Variants in OLFM2 observed in about 807,000 individuals in gnomAD.
OLFM2 encodes noelin-2.
In OLFM2, 20 loss-of-function variants were observed where a neutral mutation model predicts 43.9. That is an observed-to-expected ratio of 0.46 (90% CI 0.32 to 0.66). The LOEUF is 0.66. Among genes scored for constraint, OLFM2 ranks in the 30% least tolerant of loss-of-function variants. The probability of loss-of-function intolerance (pLI) is 0.04; values close to 1 mark genes in which losing one functional copy is unlikely to be tolerated. For missense variants in OLFM2, 416 were observed against 643.6 expected (o/e 0.65, Z 3.83); for synonymous variants, 268 against 278.6 (o/e 0.96, Z 0.38).
At chr19:9,914,680 C>T (rs578163746) in intron 1 of OLFM2, among the ~76,000 whole-genome samples, 4 of 152,184 alleles carry the variant, frequency 2.6e-5, no homozygotes, top group African/African-American at 4.8e-5. Context: ...GCTCCCGGCC[C>T]GCTCCCTCGG....
intron 1 of OLFM2, among the ~76,000 whole-genome samples, chr19:9,887,904 G>C (rs2046602296): frequency 6.6e-6 from 1 of 152,120 alleles, no homozygotes; most frequent in Non-Finnish European, 1.5e-5. Context: ...GTGGTGGCAT[G>C]TGTCTGTAGT....
intron 1 of OLFM2, among the ~76,000 whole-genome samples, chr19:9,877,652 C>T (rs1054870687): frequency 6.6e-6 from 1 of 151,926 alleles, no homozygotes; most frequent in African/African-American, 2.4e-5. Context: ...GAATTAATGC[C>T]ATTATCAGGG....
At chr19:9,877,261 C>T (rs922097642) in intron 1 of OLFM2, among the ~76,000 whole-genome samples, 1 of 144,304 alleles carries the variant, frequency 6.9e-6, no homozygotes, top group Admixed American at 7.1e-5. Context: ...TGGCCAGGTG[C>T]GGTGGCTCAC....
intron 1 of OLFM2, among the ~76,000 whole-genome samples, chr19:9,930,157 T>C (rs2086474182): frequency 6.6e-6 from 1 of 152,058 alleles, no homozygotes; most frequent in Admixed American, 6.6e-5. Context: ...TCCCTGAACA[T>C]GCACACAGTC....
intron 1 of OLFM2, among the ~76,000 whole-genome samples, chr19:9,923,959 G>A (rs2086436458): frequency 6.6e-6 from 1 of 151,840 alleles, no homozygotes; most frequent in East Asian, 1.9e-4. Context: ...AATTAGCCGG[G>A]CTTGGTGGTG....
At chr19:9,869,764 T>C (rs1308906380) in intron 1 of OLFM2, among the ~76,000 whole-genome samples, 1 of 152,168 alleles carries the variant, frequency 6.6e-6, no homozygotes, top group African/African-American at 2.4e-5. Flanking sequence ...ACTACAGGCA[T>C]GTGCCACTAT....
chr19:9,863,347 G>A (rs114293458), intron 1 of OLFM2, among the ~76,000 whole-genome samples: 1 of 152,052 alleles, frequency 6.6e-6, no homozygotes, highest in Non-Finnish European at 1.5e-5. Flanking sequence ...GAGCCATGGA[G>A]GGTTCTGTGC....
chr19:9,856,744 A>T lies in OLFM2; in HGVS notation c.687+63T>A. 7.5e-7 allele frequency: 1 copy of T among 1,341,416 alleles called. No individual in the cohort carries two copies. The highest frequency in any genetic ancestry group is 1.1e-6 in the Non-Finnish European group (1 of 949,286). The allele number at this position is 1,341,416 out of a possible 1,614,324, so 83.1% of individuals were successfully genotyped here. On this transcript the variant is annotated intron_variant, in intron 5 of 5. Coordinates refer to ENST00000264833, the MANE Select transcript of OLFM2 (RefSeq NM_058164.4). The surrounding 1 kb of genome is among the most constrained non-coding windows in gnomAD (Gnocchi z 4.0). The stretch of plus-strand genomic sequence containing the variant: ...ACCAGTGTGGACTCCCTAGGCACCT[A>T]TGGGCAGTCAAAGGCTCTGTCCCTC...
At chr19:9,859,300 G>T (rs2046348384) in intron 2 of OLFM2, among the ~76,000 whole-genome samples, 1 of 131,308 alleles carries the variant, frequency 7.6e-6, no homozygotes, top group African/African-American at 2.9e-5. Flanking sequence ...TCAACAATTT[G>T]TAAGTTTTAT....
chr19:9,918,003 C>T (rs1031967564), intron 1 of OLFM2, among the ~76,000 whole-genome samples: 4 of 151,482 alleles, frequency 2.6e-5, no homozygotes, highest in African/African-American at 4.9e-5. Context: ...CTCAGCCTCC[C>T]AAGTAGCTGG....
chr19:9,882,508 A>C (rs1189460609), intron 1 of OLFM2, among the ~76,000 whole-genome samples: 1 of 151,398 alleles, frequency 6.6e-6, no homozygotes, highest in Non-Finnish European at 1.5e-5. Flanking sequence ...ACTGCACTCC[A>C]GCCTGGGCGA....
At chr19:9,914,887 C>G (rs1568385181) in intron 1 of OLFM2, among the ~76,000 whole-genome samples, 1 of 152,190 alleles carries the variant, frequency 6.6e-6, no homozygotes, top group African/African-American at 2.4e-5. Flanking sequence ...CGGCCGCCGC[C>G]GTCTGGAGGC....
chr19:9,854,190 G>T lies in OLFM2; in HGVS notation c.1361C>A (p.Pro454His). The change falls in exon 6 of 6, where the codon CCC becomes CAC. Residue 454 changes from proline to histidine, a missense_variant. By Grantham distance (77) the Pro-to-His change is moderately conservative. Coordinates refer to ENST00000264833, the MANE Select transcript of OLFM2 (RefSeq NM_058164.4). The surrounding 1 kb of genome is among the most constrained non-coding windows in gnomAD (Gnocchi z 9.5). ...LFHVISTSGD[P>H] ...AGCCCGAGCCACAGCATTGGCTCAG[G>T]GGTCCCCAGAGGTGCTGATGACGTG... 6.2e-7 allele frequency: 1 copy of T among 1,614,106 alleles called. No individual in the cohort carries two copies. The highest frequency in any genetic ancestry group is 8.5e-7 in the Non-Finnish European group (1 of 1,180,012).
intron 1 of OLFM2, among the ~76,000 whole-genome samples, chr19:9,905,149 C>G (rs536086937): frequency 6.6e-6 from 1 of 152,096 alleles, no homozygotes; most frequent in Non-Finnish European, 1.5e-5. Flanking sequence ...TGTTGAAACC[C>G]TGTCTCTACT....
At position 9,936,451 on chromosome 19, in the gene OLFM2, C is replaced by T. The variant is rs1331442299; in HGVS notation, c.-85G>A. 10 of 1,002,452 alleles carry T rather than the reference C, an allele frequency of 1.0e-5. No homozygotes were observed. The highest frequency in any genetic ancestry group is 1.2e-5 in the Non-Finnish European group (10 of 836,302). The allele number at this position is 1,002,452 out of a possible 1,614,324, so 62.1% of individuals were successfully genotyped here. A position where few individuals can be genotyped will look rare whatever the true frequency, so the allele number is the denominator to read the frequency against. ...GACCGCCACCAGGCGCGACCCCGCC[C>T]GCCCGGCCGGGGCGACCCTGCGCCG... On this transcript the variant is annotated 5_prime_UTR_variant, in exon 1 of 6. Transcript: ENST00000264833.
At chr19:9,863,434 G>T (rs2046378788) in intron 1 of OLFM2, among the ~76,000 whole-genome samples, 1 of 151,976 alleles carries the variant, frequency 6.6e-6, no homozygotes, top group South Asian at 2.1e-4. Flanking sequence ...GGAGGCCAGG[G>T]CAGGGGTGAC....
At chr19:9,930,515 C>T (rs1004857380) in intron 1 of OLFM2, among the ~76,000 whole-genome samples, 2 of 152,100 alleles carry the variant, frequency 1.3e-5, no homozygotes, top group African/African-American at 4.8e-5. Flanking sequence ...ATGACTGCAC[C>T]ACTGCACTCC....
Position 9,902,698 on chromosome 19 carries a change from TCACC to T in OLFM2, c.63+33602_63+33605del, listed in dbSNP as rs564242159. ...AGGAGTTCAAGACCAGGTGGGAGGA[TCACC>T]CAGCCTTTTCTGGTTTCTTTTTAGA... On this transcript the variant is annotated intron_variant, in intron 1 of 5. Coordinates refer to ENST00000264833, the MANE Select transcript of OLFM2 (RefSeq NM_058164.4). Among the ~76,000 whole-genome samples the T allele has an allele frequency of 3.3e-4, 50 of 151,842 alleles. 2 individuals carry two copies. In the South Asian group the frequency reaches 9.8e-3, roughly 30 times the overall value.
intron 1 of OLFM2, among the ~76,000 whole-genome samples, chr19:9,921,517 C>T (rs533860806): frequency 4.0e-5 from 6 of 148,606 alleles, no homozygotes; most frequent in African/African-American, 1.5e-4. Context: ...GAGACGGAGT[C>T]TCACTCTGTC....
Sources: gnomAD v4.1 joint callset for allele counts (sites outside exome capture counted in the v4.1 genomes callset) on GRCh38, gnomAD v4.1.1 for gene constraint, Gnocchi (gnomAD v3.1) non-coding constraint, MANE v1.5 for transcripts, NCBI Gene and HGNC (gene_info 2026-07-23, HGNC 2026-07-21) for gene names.